The following SGCZ variants were observed in gnomAD, a reference collection of about 807,000 sequenced individuals.
SGCZ encodes sarcoglycan zeta, also known as zeta-sarcoglycan.
In SGCZ, 40 loss-of-function variants were observed where a neutral mutation model predicts 41.3. The observed-to-expected ratio is 0.97, with a 90% CI of 0.75 to 1.26. The LOEUF (loss-of-function observed/expected upper bound fraction) is 1.26, where lower values mean the gene tolerates loss of function less well. Ranked by LOEUF, SGCZ falls within the 50% of genes most tolerant of loss-of-function variation. SGCZ has a pLI of 0.00. For synonymous variants in SGCZ, 206 were observed against 137.5 expected (o/e 1.50, Z -3.49); for missense variants, 552 against 369.8 (o/e 1.49, Z -4.04).
chr8:14,219,237 C>T (rs917127747), intron 4 of SGCZ, among the ~76,000 whole-genome samples: 1 of 152,168 alleles, frequency 6.6e-6, no homozygotes, highest in African/African-American at 2.4e-5. Flanking sequence ...CAAACTCTCA[C>T]CACAAAAAGT....
chr8:14,491,256 AACACACACACACTCACCCACCCACCC>A (rs1265120354), intron 2 of SGCZ, among the ~76,000 whole-genome samples: 3 of 151,862 alleles, frequency 2.0e-5, no homozygotes, highest in Admixed American at 2.0e-4. Context: ...CCACAATGTA[AACACACACACACTCACCCACCCACCC>A]ACACACACAC....
At chr8:14,689,667 A>C (rs1400837941) in intron 1 of SGCZ, among the ~76,000 whole-genome samples, 1 of 152,174 alleles carries the variant, frequency 6.6e-6, no homozygotes, top group African/African-American at 2.4e-5. Context: ...ATAACATTTA[A>C]ATGAAATTGT....
intron 1 of SGCZ, among the ~76,000 whole-genome samples, chr8:14,723,682 ATGTC>A (rs1265081515): frequency 1.3e-5 from 2 of 152,030 alleles, no homozygotes; most frequent in African/African-American, 4.8e-5. Flanking sequence ...ATATATATAT[ATGTC>A]TGTGTCTATG....
intron 1 of SGCZ, among the ~76,000 whole-genome samples, chr8:15,065,258 A>G (rs1281991860): frequency 6.6e-6 from 1 of 151,890 alleles, no homozygotes; most frequent in Non-Finnish European, 1.5e-5. Context: ...TGCATTTCCT[A>G]TGATTCAGTT....
At chr8:15,156,930 G>C (rs1799348185) in intron 1 of SGCZ, among the ~76,000 whole-genome samples, 4 of 147,754 alleles carry the variant, frequency 2.7e-5, no homozygotes, top group Admixed American at 2.0e-4. Context: ...GGCAACAAGA[G>C]GGAAACTCTG....
At chr8:14,754,227 T>C (rs1307176370) in intron 1 of SGCZ, among the ~76,000 whole-genome samples, 1 of 152,196 alleles carries the variant, frequency 6.6e-6, no homozygotes, top group Non-Finnish European at 1.5e-5. Flanking sequence ...AAATATATAT[T>C]ACCTTTAGAT....
intron 1 of SGCZ, among the ~76,000 whole-genome samples, chr8:14,756,628 G>C (rs1386290403): frequency 6.6e-6 from 1 of 152,140 alleles, no homozygotes; most frequent in East Asian, 1.9e-4. Flanking sequence ...TAACAGGCGT[G>C]CTTCTAATTC....
At chr8:14,882,178 G>C (rs1260812587) in intron 1 of SGCZ, among the ~76,000 whole-genome samples, 1 of 152,160 alleles carries the variant, frequency 6.6e-6, no homozygotes, top group Non-Finnish European at 1.5e-5. Flanking sequence ...TAGCAAAGTA[G>C]CTCCTATATC....
intron 1 of SGCZ, chr8:14,878,910 T>TCTG (rs1215578331): frequency 6.6e-6 from 1 of 151,992 alleles, no homozygotes; most frequent in African/African-American, 2.4e-5. Flanking sequence ...TTCTTACAGT[T>TCTG]TTGTTGTTGT....
chr8:14,650,913 T>C (rs1201909489), intron 1 of SGCZ, among the ~76,000 whole-genome samples: 1 of 152,010 alleles, frequency 6.6e-6, no homozygotes. Flanking sequence ...AGATGAGAAA[T>C]ATTTATAAGG....
At chr8:14,096,691 C>G (rs1048888058) in intron 7 of SGCZ, among the ~76,000 whole-genome samples, 1 of 152,156 alleles carries the variant, frequency 6.6e-6, no homozygotes, top group Non-Finnish European at 1.5e-5. Flanking sequence ...ACCAGCTCTT[C>G]TTTGTACCTC....
intron 5 of SGCZ, among the ~76,000 whole-genome samples, chr8:14,127,461 T>A (rs1040037833): frequency 2.6e-5 from 4 of 152,156 alleles, no homozygotes; most frequent in Non-Finnish European, 4.4e-5. Flanking sequence ...TATTTCTATT[T>A]ATTTATTTTT....
chr8:14,303,763 A>G (rs62497772), intron 3 of SGCZ, among the ~76,000 whole-genome samples: 7,266 of 152,104 alleles, frequency 0.048, 255 homozygotes, highest in East Asian at 0.16. Context: ...ATCTATCTAC[A>G]TACATATGTA....
At chr8:14,740,232 A>AT (rs1234747718) in intron 1 of SGCZ, among the ~76,000 whole-genome samples, 1 of 152,042 alleles carries the variant, frequency 6.6e-6, no homozygotes, top group Non-Finnish European at 1.5e-5. Flanking sequence ...ATCTGAGTAT[A>AT]TTAAAGAGCT....
chr8:14,987,974 A>T (rs1217019474), intron 1 of SGCZ, among the ~76,000 whole-genome samples: 1 of 151,988 alleles, frequency 6.6e-6, no homozygotes, highest in Non-Finnish European at 1.5e-5. Flanking sequence ...GAGTGAATTT[A>T]ATTACAATAA....
rs1456850687 is a variant in SGCZ, at chr8:14,335,108, C to T, written c.235-10904G>A. ...GATTAGGCAGCAATATGATTGATAA[C>T]AGTTTTCTGACGCTGGGTTGCTTTA... On this transcript the variant is annotated intron_variant, in intron 2 of 7. Transcript: ENST00000382080. Among the ~76,000 whole-genome samples, 4 of 152,096 alleles carry T rather than the reference C, an allele frequency of 2.6e-5. No individual in the cohort carries two copies. In the East Asian group the frequency reaches 7.7e-4, roughly 29 times the overall value.
chr8:15,068,737 T>C (rs1383253210), intron 1 of SGCZ, among the ~76,000 whole-genome samples: 1 of 152,194 alleles, frequency 6.6e-6, no homozygotes. Flanking sequence ...TCTTCAAAGA[T>C]ACATTAAGAC....
chr8:14,582,382 T>G (rs955177815), intron 1 of SGCZ, among the ~76,000 whole-genome samples: 7 of 152,108 alleles, frequency 4.6e-5, no homozygotes, highest in Non-Finnish European at 8.8e-5. Context: ...ACAAATGAAG[T>G]GTGTATTTAT....
chr8:14,344,472 C>G (rs1802822898), intron 2 of SGCZ, among the ~76,000 whole-genome samples: 1 of 152,058 alleles, frequency 6.6e-6, no homozygotes. Context: ...CAGCTAACTT[C>G]TTAAAAAATT....
Sources: allele counts gnomAD v4.1 joint callset (sites outside exome capture counted in the v4.1 genomes callset), GRCh38; gene constraint gnomAD v4.1.1; transcripts MANE v1.5; gene names NCBI Gene and HGNC (gene_info 2026-07-23, HGNC 2026-07-21).